The following NHS variants were observed in gnomAD, a reference collection of about 807,000 sequenced individuals.
NHS encodes NHS actin remodeling regulator.
NHS carries 5 observed loss-of-function variants against 72.5 expected under a neutral mutation model. That is an observed-to-expected ratio of 0.07 (90% CI 0.04 to 0.14). The LOEUF (loss-of-function observed/expected upper bound fraction) is 0.14, where lower values mean the gene tolerates loss of function less well. Ranked by LOEUF, NHS falls within the 10% of genes least tolerant of loss-of-function variation. NHS has a pLI of 1.00. For synonymous variants in NHS, 464 were observed against 547.7 expected, an observed-to-expected ratio of 0.85 and a Z score of 2.13; for missense variants, 1,072 against 1,355.7, an observed-to-expected ratio of 0.79 and a Z score of 3.29.
intron 1 of NHS, among the ~76,000 whole-genome samples, chrX:17,588,650 A>T (rs1163598973): frequency 9.1e-6 from 1 of 109,585 alleles, no homozygotes; most frequent in Non-Finnish European, 1.9e-5. Flanking sequence ...CTAGCAAGTC[A>T]TTTAACTCAT....
chrX:17,564,458 C>T (rs757090737), intron 1 of NHS, among the ~76,000 whole-genome samples: 171 of 112,021 alleles, frequency 1.5e-3, no homozygotes, highest in Non-Finnish European at 2.9e-3. Flanking sequence ...CTGGTGGGTC[C>T]AGCACTTATT....
At chrX:17,478,474 A>T (rs2064931125) in intron 1 of NHS, among the ~76,000 whole-genome samples, 1 of 111,603 alleles carries the variant, frequency 9.0e-6, no homozygotes, top group Non-Finnish European at 1.9e-5. Context: ...GGTATTATAG[A>T]TGTGGTGTTG....
At chrX:17,629,650 C>T (rs1440185929) in intron 1 of NHS, among the ~76,000 whole-genome samples, 1 of 111,693 alleles carries the variant, frequency 9.0e-6, no homozygotes, top group Non-Finnish European at 1.9e-5. Flanking sequence ...AAGGCAGCTC[C>T]AGGCCACAGC....
At chrX:17,396,230 A>G (rs1265965238) in intron 1 of NHS, among the ~76,000 whole-genome samples, 1 of 112,328 alleles carries the variant, frequency 8.9e-6, no homozygotes, top group Non-Finnish European at 1.9e-5. Flanking sequence ...GTGAGTCAGT[A>G]GACACATGTA....
At chrX:17,637,680 C>G (rs113524816) in intron 1 of NHS, among the ~76,000 whole-genome samples, 3,378 of 111,756 alleles carry the variant, frequency 0.03, 131 homozygotes, top group African/African-American at 0.1. Context: ...AAAAATGTTA[C>G]AGGTTTGGGT....
Position 17,661,383 on chromosome X carries a change from G to A in NHS, c.566-26359G>A, listed in dbSNP as rs183694731. On this transcript the variant is annotated intron_variant, in intron 1 of 8. Coordinates refer to ENST00000676302, the MANE Select transcript of NHS (RefSeq NM_001291867.2). The stretch of plus-strand genomic sequence containing the variant: ...ACCCATCATCTAGGTGGTAAGCCCC[G>A]CATACATTAGGTATTTCTCCTAATG... Among the ~76,000 whole-genome samples the A allele has an allele frequency of 7.2e-5, 8 of 110,654 alleles. No homozygotes were observed. In the East Asian group the frequency reaches 2.3e-3, roughly 31 times the overall value.
At chrX:17,390,022 T>C (rs1411010741) in intron 1 of NHS, among the ~76,000 whole-genome samples, 1 of 112,311 alleles carries the variant, frequency 8.9e-6, no homozygotes, top group Non-Finnish European at 1.9e-5. Context: ...TTGCAAACTG[T>C]GTTTTCAGCT....
chrX:17,472,495 CAGAG>C (rs2064896703), intron 1 of NHS, among the ~76,000 whole-genome samples: 1 of 112,200 alleles, frequency 8.9e-6, no homozygotes, highest in African/African-American at 3.2e-5. Flanking sequence ...GTGAGAGAGA[CAGAG>C]AGATCTGATT....
At chrX:17,682,055 C>G (rs2066132751) in intron 1 of NHS, among the ~76,000 whole-genome samples, 1 of 110,527 alleles carries the variant, frequency 9.0e-6, no homozygotes, top group African/African-American at 3.3e-5. Flanking sequence ...GTGACAGGAG[C>G]CTTGGTGGTC....
At chrX:17,463,752 G>T (rs924966508) in intron 1 of NHS, among the ~76,000 whole-genome samples, 1 of 112,160 alleles carries the variant, frequency 8.9e-6, no homozygotes, top group African/African-American at 3.2e-5. Flanking sequence ...GGAGCCTTCA[G>T]GATGAAGACC....
chrX:17,537,663 A>C (rs1323587732), intron 1 of NHS, among the ~76,000 whole-genome samples: 3 of 112,355 alleles, frequency 2.7e-5, no homozygotes. Context: ...CTGGCCTAGC[A>C]GTGACAGGAG....
At chrX:17,708,174 C>G (rs1474985317) in intron 3 of NHS, among the ~76,000 whole-genome samples, 2 of 111,803 alleles carry the variant, frequency 1.8e-5, no homozygotes, top group Non-Finnish European at 3.8e-5. Context: ...CCTTGCTATG[C>G]GAATCTCTGA....
At chrX:17,430,380 CTTTCTTT>C (rs2064688891) in intron 1 of NHS, among the ~76,000 whole-genome samples, 1 of 79,117 alleles carries the variant, frequency 1.3e-5, no homozygotes, top group African/African-American at 4.7e-5. Flanking sequence ...TTCCTTCTTT[CTTTCTTT>C]TTTCTTTCTT....
intron 1 of NHS, among the ~76,000 whole-genome samples, chrX:17,619,897 T>C (rs910468374): frequency 7.2e-5 from 8 of 111,696 alleles, no homozygotes; most frequent in African/African-American, 2.6e-4. Flanking sequence ...CACTGGCTGG[T>C]AATGTCTAGC....
rs1240448718 is a variant in NHS, at chrX:17,732,708, G to A, written c.*244G>A. The A allele has an allele frequency of 2.5e-6, 1 of 403,634 alleles. No homozygotes were observed. The allele number at this position is 403,634 out of a possible 1,213,427, so 33.3% of individuals were successfully genotyped here. ...TTTTCTTTAGCATAGTTTGATTTAC[G>A]CAATCTCCTTCCTTGTGAAAATAGA... On this transcript the variant is annotated 3_prime_UTR_variant, in exon 9 of 9. Coordinates refer to ENST00000676302, the MANE Select transcript of NHS (RefSeq NM_001291867.2).
intron 1 of NHS, among the ~76,000 whole-genome samples, chrX:17,466,713 G>C (rs1408150590): frequency 9.0e-6 from 1 of 111,557 alleles, no homozygotes; most frequent in East Asian, 2.8e-4. Flanking sequence ...CACCTCAGAG[G>C]GGGGTTTTGA....
intron 1 of NHS, 33 bp downstream of exon 1, chrX:17,376,355 T>G: frequency 1.8e-6 from 2 of 1,118,713 alleles, no homozygotes; most frequent in Non-Finnish European, 2.4e-6. Flanking sequence ...CGCCAGGCTA[T>G]GGGTTTCTGC....
intron 1 of NHS, among the ~76,000 whole-genome samples, chrX:17,662,070 T>C (rs2065985090): frequency 9.0e-6 from 1 of 111,634 alleles, no homozygotes; most frequent in South Asian, 3.7e-4. Flanking sequence ...TTTCCTGATA[T>C]GCTTCCCACA....
At chrX:17,449,597 T>C (rs2064797197) in intron 1 of NHS, among the ~76,000 whole-genome samples, 1 of 111,983 alleles carries the variant, frequency 8.9e-6, no homozygotes, top group Non-Finnish European at 1.9e-5. Context: ...GATATCTCAA[T>C]TAAAAAGTAC....
Sources: gnomAD v4.1 joint callset for allele counts (sites outside exome capture counted in the v4.1 genomes callset) on GRCh38, gnomAD v4.1.1 for gene constraint, MANE v1.5 for transcripts, NCBI Gene and HGNC (gene_info 2026-07-23, HGNC 2026-07-21) for gene names.